SYNJ1: variants seen among roughly 807,000 people sequenced by gnomAD.
SYNJ1 encodes the protein polyphosphatidylinositol phosphatase SYNJ1.
Under a neutral mutation model 168.2 loss-of-function variants are expected in SYNJ1, and 78 were observed. The ratio of observed to expected loss-of-function variants is 0.46; its 90% CI spans 0.39 to 0.56. The LOEUF (loss-of-function observed/expected upper bound fraction) is 0.56. SYNJ1 is among the 20% of genes least tolerant of loss of function. The pLI, the probability that SYNJ1 is intolerant of heterozygous loss-of-function variation, is 0.00. For missense variants in SYNJ1, 1,303 were observed against 1,597.6 expected (o/e 0.82, Z 3.14); for synonymous variants, 539 against 548.6 (o/e 0.98, Z 0.24).
chr21:32,631,734 A>G lies in SYNJ1; in HGVS notation c.*71T>C. 6.2e-7 allele frequency: 1 copy of G among 1,614,246 alleles called. No homozygotes were observed. The highest frequency in any genetic ancestry group is 8.5e-7 in the Non-Finnish European group (1 of 1,180,036). ...TGATACAGCAAGCAGATTAAATGAC[A>G]GATCTTCAAATGGGTCAATCTTTAA... On this transcript the variant is annotated 3_prime_UTR_variant, in exon 33 of 33. Coordinates refer to ENST00000674351, the MANE Select transcript of SYNJ1 (RefSeq NM_203446.3).
chr21:32,645,565 G>A, intron 25 of SYNJ1, 81 bp downstream of exon 25: 2 of 1,418,234 alleles, frequency 1.4e-6, no homozygotes, highest in Non-Finnish European at 1.8e-6. Context: ...CCAGAAGCTA[G>A]AGATTGGAAA....
intron 32 of SYNJ1, among the ~76,000 whole-genome samples, chr21:32,632,604 A>C (rs113669814): frequency 0.015 from 2,313 of 152,194 alleles, 57 homozygotes; most frequent in African/African-American, 0.052. Flanking sequence ...CAGGCTGGTC[A>C]CAAACTCCTG....
rs375668602 is a variant in SYNJ1 at position 32,661,328 on chromosome 21, A to G, written c.2305-3456T>C. 6.6e-5 allele frequency among the ~76,000 whole-genome samples: 10 copies of G among 152,202 alleles called. No individual in the cohort carries two copies. In the East Asian group the frequency reaches 7.7e-4, roughly 12 times the overall value. On this transcript the variant is annotated intron_variant, in intron 18 of 32. Coordinates refer to ENST00000674351, the MANE Select transcript of SYNJ1 (RefSeq NM_203446.3). ...GGCCCCACGGTTCCACCCAGCATAC[A>G]AGCTTATGGAGCGGCTCCTTTTGAG... is the stretch of plus-strand genomic sequence containing the variant.
At chr21:32,689,366 G>A (rs1484476617) in intron 6 of SYNJ1, among the ~76,000 whole-genome samples, 2 of 152,114 alleles carry the variant, frequency 1.3e-5, no homozygotes, top group Non-Finnish European at 2.9e-5. Context: ...GCGTGATCTC[G>A]GCTCACTGCA....
chr21:32,728,177 C>G (rs746551922), upstream of SYNJ1: 2 of 1,076,152 alleles, frequency 1.9e-6, no homozygotes, highest in Admixed American at 6.4e-5. Flanking sequence ...CTCCAGCTAC[C>G]TTTGCCTCCT....
chr21:32,642,938 A>G (rs2039906310), intron 27 of SYNJ1, among the ~76,000 whole-genome samples: 1 of 152,230 alleles, frequency 6.6e-6, no homozygotes, highest in African/African-American at 2.4e-5. Context: ...AGGTCTTTTA[A>G]ACAAATCTGG....
intron 2 of SYNJ1, 63 bp from the exon 3 acceptor site, chr21:32,702,110 T>C: frequency 8.4e-7 from 1 of 1,194,894 alleles, no homozygotes; most frequent in Non-Finnish European, 1.2e-6. Context: ...TTTAGCTAAG[T>C]ATAAATCCAG....
At chr21:32,710,428 C>G (rs1448043944) in intron 2 of SYNJ1, among the ~76,000 whole-genome samples, 1 of 152,166 alleles carries the variant, frequency 6.6e-6, no homozygotes, top group Non-Finnish European at 1.5e-5. Context: ...TATCTTGAGA[C>G]AGCCAGAAGC....
At chr21:32,631,856 C>A in intron 32 of SYNJ1, 55 bp from the exon 33 acceptor site, 1 of 1,428,550 alleles carries the variant, frequency 7.0e-7, no homozygotes, top group Non-Finnish European at 9.5e-7. Context: ...TTAATACCCC[C>A]TATTCTTCCT....
chr21:32,728,068 G>T (rs111573020), upstream of SYNJ1: 541 of 1,522,800 alleles, frequency 3.6e-4, no homozygotes, highest in Non-Finnish European at 4.5e-4. Flanking sequence ...CGGAAGATCC[G>T]CCCCGCGCGA....
intron 26 of SYNJ1, 127 bp downstream of exon 26, chr21:32,644,841 T>C: frequency 9.5e-7 from 1 of 1,048,348 alleles, no homozygotes; most frequent in Non-Finnish European, 1.4e-6. Flanking sequence ...ATTAGTTTTA[T>C]TTGTGGATTA....
chr21:32,642,260 G>A, intron 27 of SYNJ1, 127 bp from the exon 28 acceptor site: 1 of 998,912 alleles, frequency 1.0e-6, no homozygotes, highest in Non-Finnish European at 1.5e-6. Context: ...ACAAAACAAA[G>A]CACTTTGCTT....
At chr21:32,710,168 C>G (rs1286656493) in intron 2 of SYNJ1, among the ~76,000 whole-genome samples, 1 of 151,848 alleles carries the variant, frequency 6.6e-6, no homozygotes, top group Non-Finnish European at 1.5e-5. Flanking sequence ...TCATTGTACT[C>G]CAGCCTGAGT....
At chr21:32,728,054 G>T (rs2122963989), upstream of SYNJ1, 6 of 1,527,142 alleles carry the variant, frequency 3.9e-6, no homozygotes, top group Non-Finnish European at 5.3e-6. Context: ...GCCGCGGCCG[G>T]GGGCGGAAGA....
intron 11 of SYNJ1, among the ~76,000 whole-genome samples, chr21:32,679,365 A>G (rs1166541331): frequency 6.6e-6 from 1 of 152,196 alleles, no homozygotes; most frequent in Non-Finnish European, 1.5e-5. Context: ...TCATAAACGA[A>G]TATTACATGT....
At chr21:32,727,364 C>G (rs548222776) in intron 1 of SYNJ1, among the ~76,000 whole-genome samples, 1 of 152,224 alleles carries the variant, frequency 6.6e-6, no homozygotes, top group South Asian at 2.1e-4. Context: ...AAGGCTGGTT[C>G]AAAGCTCCTT....
intron 13 of SYNJ1, among the ~76,000 whole-genome samples, chr21:32,675,167 T>C (rs2041355080): frequency 1.3e-5 from 2 of 152,192 alleles, no homozygotes; most frequent in African/African-American, 2.4e-5. Flanking sequence ...AATGCGAACA[T>C]AGTGTCTATA....
intron 2 of SYNJ1, among the ~76,000 whole-genome samples, chr21:32,721,583 G>T (rs907560071): frequency 7.9e-4 from 120 of 152,092 alleles, no homozygotes; most frequent in African/African-American, 2.8e-3. Context: ...GGAGGCTGAG[G>T]CAGGAGAACT....
In SYNJ1 at chr21:32,631,540, G is replaced by T. The variant is rs769312346; in HGVS notation, c.*265C>A. The T allele has an allele frequency of 5.6e-6, 9 of 1,614,008 alleles. No individual in the cohort carries two copies. The East Asian group carries it at 2.0e-4, about 36-fold the overall frequency. ...GTCAAGCCAGTAATAAATGGGTTTG[G>T]AGAACTTCGCATATTTTCCTGGGAT... On this transcript the variant is annotated 3_prime_UTR_variant, in exon 33 of 33. Coordinates refer to ENST00000674351, the MANE Select transcript of SYNJ1 (RefSeq NM_203446.3).
Sources: gnomAD v4.1 joint callset for allele counts (sites outside exome capture counted in the v4.1 genomes callset) on GRCh38, gnomAD v4.1.1 for gene constraint, MANE v1.5 for transcripts, NCBI Gene and HGNC (gene_info 2026-07-23, HGNC 2026-07-21) for gene names.